CUL9: variants seen among roughly 807,000 people sequenced by gnomAD.
CUL9 encodes cullin-9.
Under a neutral mutation model 272.6 loss-of-function variants are expected in CUL9, and 79 were observed. That is an observed-to-expected ratio of 0.29 (90% confidence interval 0.24 to 0.35). CUL9 has a LOEUF of 0.35. Among genes scored for constraint, CUL9 ranks in the 10% least tolerant of loss-of-function variants. The probability of loss-of-function intolerance (pLI) is 1.00; values close to 1 mark genes in which losing one functional copy is unlikely to be tolerated. For missense variants in CUL9, 2,532 were observed against 3,255.6 expected (o/e 0.78, Z 5.41); for synonymous variants, 1,186 against 1,286.5 (o/e 0.92, Z 1.67).
Position 43,213,605 on chromosome 6 carries a change from G to A in CUL9, c.5488+38G>A, listed in dbSNP as rs1404732410. On this transcript the variant is annotated intron_variant, in intron 28 of 40. Coordinates refer to ENST00000252050, the MANE Select transcript of CUL9 (RefSeq NM_015089.4). The surrounding 1 kb of genome is among the most constrained non-coding windows in gnomAD (Gnocchi z 5.7). ...GGGCCGGGCTGAGCCTCTGCTGCTGGTCGGGGGGTCGCCCTCAAGATGGGG... is the reference window on the plus strand; with the variant it reads ...GGGCCGGGCTGAGCCTCTGCTGCTGATCGGGGGGTCGCCCTCAAGATGGGG... 14 of 1,606,710 alleles carry A rather than the reference G, an allele frequency of 8.7e-6. No homozygotes were observed. The highest frequency in any genetic ancestry group is 1.0e-5 in the Non-Finnish European group (12 of 1,176,182).
At position 43,220,355 on chromosome 6, in the gene CUL9, A is replaced by G; in HGVS notation, c.6283-104A>G. On this transcript the variant is annotated intron_variant, in intron 31 of 40. Transcript: ENST00000252050. This position sits in a 1 kb window ranked among gnomAD's most constrained non-coding sequence, Gnocchi z 4.9. ...GCTTGTTTCTGGCCTTCCACGTTGT[A>G]GTGGAGGGGAAGGGAAGGAGGGACG... is the stretch of plus-strand genomic sequence containing the variant. 1 of 1,299,090 alleles carries G rather than the reference A, an allele frequency of 7.7e-7. No individual in the cohort carries two copies. The highest frequency in any genetic ancestry group is 1.1e-6 in the Non-Finnish European group (1 of 920,464). The allele number at this position is 1,299,090 out of a possible 1,614,324, so 80.5% of individuals were successfully genotyped here.
rs770746015 is a variant in CUL9, at chr6:43,213,843, C to G, written c.5619C>G (p.Ser1873Arg). Residue 1873 changes from serine to arginine, a missense_variant, in exon 29 of 41, where the codon AGC (serine) becomes AGG (arginine). Physicochemically the swap from Ser to Arg is moderately radical, Grantham distance 110. Transcript: ENST00000252050. The surrounding 1 kb of genome is among the most constrained non-coding windows in gnomAD (Gnocchi z 5.7). ...RTLEQKRNLL[S>R]CLLVRILKAH... is the part of the protein sequence containing the mutation. ...TGGAACAGAAGAGGAATCTCTTGAG[C>G]TGTCTTCTTGTTCGTATTCTCAAAG... 1.9e-6 allele frequency: 3 copies of G among 1,614,182 alleles called. No individual in the cohort carries two copies. Among genetic ancestry groups the G allele is most frequent in the Non-Finnish European group, 2.5e-6 (3 of 1,180,032 alleles).
At chr6:43,214,358 A>G (rs1775762956) in intron 29 of CUL9, among the ~76,000 whole-genome samples, 1 of 152,116 alleles carries the variant, frequency 6.6e-6, no homozygotes. Flanking sequence ...GGCGGAGGTT[A>G]CAGTGAGCCA....
chr6:43,189,655 T>C (rs949529236), intron 8 of CUL9, among the ~76,000 whole-genome samples: 1 of 151,966 alleles, frequency 6.6e-6, no homozygotes, highest in African/African-American at 2.4e-5. Flanking sequence ...GCAGTTCTTA[T>C]GTCTCAGCCT....
chr6:43,203,706 A>G lies in CUL9; in HGVS notation c.4025+114A>G. ...AAGCTGCAGCCAGGACATGAGGGGGAAGGTGAACGTAGGTGAGAAGTTTGT... is the reference window on the plus strand; with the variant it reads ...AAGCTGCAGCCAGGACATGAGGGGGGAGGTGAACGTAGGTGAGAAGTTTGT... On this transcript the variant is annotated intron_variant, in intron 19 of 40. Coordinates refer to ENST00000252050, the MANE Select transcript of CUL9 (RefSeq NM_015089.4). The surrounding 1 kb of genome is among the most constrained non-coding windows in gnomAD (Gnocchi z 5.0). 1 of 1,504,300 alleles carries G rather than the reference A, an allele frequency of 6.6e-7. No individual in the cohort carries two copies. Among genetic ancestry groups the G allele is most frequent in the Non-Finnish European group, 9.0e-7 (1 of 1,113,006 alleles). 93.2% of individuals were successfully genotyped at this position (1,504,300 alleles called of 1,614,324 possible). A position where few individuals can be genotyped will look rare whatever the true frequency, so the allele number is the denominator to read the frequency against.
chr6:43,203,478 C>T lies in CUL9; in HGVS notation c.3911C>T (p.Pro1304Leu). 6.2e-7 allele frequency: 1 copy of T among 1,614,192 alleles called. No individual in the cohort carries two copies. Among genetic ancestry groups the T allele is most frequent in the Non-Finnish European group, 8.5e-7 (1 of 1,180,038 alleles). The change falls in exon 19 of 41, where the codon CCA becomes CTA. Residue 1304 changes from proline (P) to leucine (L), a missense_variant. Physicochemically the swap from Pro to Leu is moderately conservative, Grantham distance 98. This residue lies in a region of CUL9 where 2,218 missense variants were observed against 2,788.6 expected (regional missense o/e 0.80). Coordinates refer to ENST00000252050, the MANE Select transcript of CUL9 (RefSeq NM_015089.4). This position sits in a 1 kb window ranked among gnomAD's most constrained non-coding sequence, Gnocchi z 5.0. ...CTGGGCCCTAAGCCCACATTCTGGCCACTGTTCCGGGAGCAGCTGTGTCGC... is the reference window on the plus strand; with the variant it reads ...CTGGGCCCTAAGCCCACATTCTGGCTACTGTTCCGGGAGCAGCTGTGTCGC... ...EVLGPKPTFWPLFREQLCRRT... is the reference protein window; with the variant it reads ...EVLGPKPTFWLLFREQLCRRT...
chr6:43,222,232 T>C, intron 35 of CUL9, 84 bp from the exon 36 acceptor site: 1 of 1,071,742 alleles, frequency 9.3e-7, no homozygotes, highest in South Asian at 1.3e-5. Flanking sequence ...TAGAAAGGCC[T>C]CCGTGAATGT....
At chr6:43,222,443 TGGGGTGGAGG>T (rs1776447200) in intron 36 of CUL9, 53 bp downstream of exon 36, 2 of 526,478 alleles carry the variant, frequency 3.8e-6, no homozygotes, top group African/African-American at 3.6e-5. Context: ...GTTGGGGTGG[TGGGGTGGAGG>T]GGGGTGGGCT....
In CUL9 at chr6:43,200,462, C is replaced by T. The variant is rs1774423627; in HGVS notation, c.3411C>T (p.His1137=). The T allele has an allele frequency of 6.2e-7, 1 of 1,614,188 alleles. No individual in the cohort carries two copies. Among genetic ancestry groups the T allele is most frequent in the Non-Finnish European group, 8.5e-7 (1 of 1,180,030 alleles). The part of the protein sequence containing the change: ...IQMVLGQIED[H]RRTHQPINIP... ...TGGTGCTGGGCCAGATCGAAGACCACAGACGAACCCACCAACCCATCAATA... is the reference window on the plus strand; with the variant it reads ...TGGTGCTGGGCCAGATCGAAGACCATAGACGAACCCACCAACCCATCAATA... The change falls in exon 15 of 41, where the codon CAC becomes CAT. Residue 1137 remains histidine, a synonymous_variant. Coordinates refer to ENST00000252050, the MANE Select transcript of CUL9 (RefSeq NM_015089.4). The surrounding 1 kb of genome is among the most constrained non-coding windows in gnomAD (Gnocchi z 4.0).
In CUL9 at chr6:43,200,851, A is replaced by G. The variant is rs756940596; in HGVS notation, c.3647+17A>G. 5.0e-6 allele frequency: 8 copies of G among 1,613,572 alleles called. No homozygotes were observed. The African/African-American group carries it at 6.7e-5, about 13-fold the overall frequency. The stretch of plus-strand genomic sequence containing the variant: ...TCTTGTTAGGTGTGAACACACATAT[A>G]TGAATGTTCTGCTGTGCCCCAGGAT... On this transcript the variant is annotated intron_variant, in intron 16 of 40. Coordinates refer to ENST00000252050, the MANE Select transcript of CUL9 (RefSeq NM_015089.4). The surrounding 1 kb of genome is among the most constrained non-coding windows in gnomAD (Gnocchi z 4.0).
At position 43,206,279 on chromosome 6, in the gene CUL9, G is replaced by C. The variant is rs763645588; in HGVS notation, c.5023-42G>C. On this transcript the variant is annotated intron_variant, in intron 25 of 40. Coordinates refer to ENST00000252050, the MANE Select transcript of CUL9 (RefSeq NM_015089.4). This position sits in a 1 kb window ranked among gnomAD's most constrained non-coding sequence, Gnocchi z 4.8. ...GGAGAGTGAGAGAAGACTAGACCAA[G>C]GAAGGGAGCCCAAGGGCCCTTGAAA... 5.0e-6 allele frequency: 8 copies of C among 1,612,306 alleles called. No homozygotes were observed. Among genetic ancestry groups the C allele is most frequent in the East Asian group, 4.5e-5 (2 of 44,872 alleles).
chr6:43,204,974 T>C lies in CUL9; in HGVS notation c.4491T>C (p.Phe1497=). The C allele has an allele frequency of 1.2e-6, 2 of 1,611,896 alleles. No homozygotes were observed. The highest frequency in any genetic ancestry group is 2.7e-5 in the African/African-American group (2 of 75,000). ...CTGCAGCTTGGAGGGCCCCAGACTT[T>C]GTGCCTCGTTACTGTAAACTCTATG... ...FLAAAWRAPD[F]VPRYCKLYEH... is the part of the protein sequence containing the mutation. Residue 1497 remains phenylalanine (F), a synonymous_variant, in exon 23 of 41, where the codon TTT becomes TTC. Coordinates refer to ENST00000252050, the MANE Select transcript of CUL9 (RefSeq NM_015089.4).
chr6:43,213,359 A>C lies in CUL9; in HGVS notation c.5358+65A>C. 1 of 1,609,894 alleles carries C rather than the reference A, an allele frequency of 6.2e-7. No individual in the cohort carries two copies. The highest frequency in any genetic ancestry group is 8.5e-7 in the Non-Finnish European group (1 of 1,177,136). Reference sequence around the variant, plus strand: ...CTTATCTGTCGCTGTTCTCCTCCTAAACCCTGTTCCTCCTTCATCCTTACT... The same window carrying C: ...CTTATCTGTCGCTGTTCTCCTCCTACACCCTGTTCCTCCTTCATCCTTACT... On this transcript the variant is annotated intron_variant, in intron 27 of 40. Coordinates refer to ENST00000252050, the MANE Select transcript of CUL9 (RefSeq NM_015089.4). The surrounding 1 kb of genome is among the most constrained non-coding windows in gnomAD (Gnocchi z 5.7).
Position 43,220,532 on chromosome 6 carries a change from A to G in CUL9, c.6356A>G (p.Asp2119Gly). The G allele has an allele frequency of 1.2e-6, 2 of 1,614,050 alleles. No individual in the cohort carries two copies. Among genetic ancestry groups the G allele is most frequent in the Non-Finnish European group, 1.7e-6 (2 of 1,179,994 alleles). ...TTGAATTGCACCTGCCCCATTGCCG[A>G]CTGCCCCGCCCAGCCCACCGGAGCC... ...LVLNCTCPIADCPAQPTGAFI... is the reference protein window; with the variant it reads ...LVLNCTCPIAGCPAQPTGAFI... The change falls in exon 32 of 41, where the codon GAC (aspartate) becomes GGC (glycine). Residue 2119 changes from aspartate (D) to glycine (G), a missense_variant. Asp to Gly is a moderately conservative substitution (Grantham distance 94, BLOSUM62 -1). This residue lies in a region of CUL9 where 2,218 missense variants were observed against 2,788.6 expected (regional missense o/e 0.80). Transcript: ENST00000252050. The surrounding 1 kb of genome is among the most constrained non-coding windows in gnomAD (Gnocchi z 4.9).
At chr6:43,189,842 AT>A (rs1341537411) in intron 8 of CUL9, among the ~76,000 whole-genome samples, 8 of 152,310 alleles carry the variant, frequency 5.3e-5, no homozygotes, top group African/African-American at 1.9e-4. Context: ...CCGCATTCTC[AT>A]TTTAAAAGAT....
chr6:43,221,477 T>A lies in CUL9; in HGVS notation c.6752+156T>A. On this transcript the variant is annotated intron_variant, in intron 34 of 40. Transcript: ENST00000252050. This position sits in a 1 kb window ranked among gnomAD's most constrained non-coding sequence, Gnocchi z 4.2. ...AGCCTCCACGGTGACTTCCTGGATCTTAATGTTCCTTCTCCCACTCGTAAG... is the reference window on the plus strand; with the variant it reads ...AGCCTCCACGGTGACTTCCTGGATCATAATGTTCCTTCTCCCACTCGTAAG... 2 of 958,140 alleles carry A rather than the reference T, an allele frequency of 2.1e-6. No homozygotes were observed. The highest frequency in any genetic ancestry group is 3.3e-5 in the South Asian group (2 of 60,880). The allele number at this position is 958,140 out of a possible 1,614,324, so 59.4% of individuals were successfully genotyped here.
In CUL9 at chr6:43,184,748, C is replaced by T. The variant is rs1420542533; in HGVS notation, c.438C>T (p.Ile146=). Residue 146 remains isoleucine (I), a synonymous_variant, in exon 2 of 41, where the codon ATC becomes ATT. Transcript: ENST00000252050. The surrounding 1 kb of genome is among the most constrained non-coding windows in gnomAD (Gnocchi z 4.8). ...TCACGGCCGCTGTGCTTCACACCAT[C>T]CACGTGCTCAGTGCCTACGCCAGCA... ...PSLTAAVLHT[I]HVLSAYASIG... is the part of the protein sequence containing the mutation. The T allele has an allele frequency of 6.2e-6, 10 of 1,614,088 alleles. No individual in the cohort carries two copies. Among genetic ancestry groups the T allele is most frequent in the Non-Finnish European group, 7.6e-6 (9 of 1,180,054 alleles).
At chr6:43,219,952 G>A (rs1776212265) in intron 31 of CUL9, among the ~76,000 whole-genome samples, 1 of 152,104 alleles carries the variant, frequency 6.6e-6, no homozygotes, top group African/African-American at 2.4e-5. Context: ...TTTGGGGGAC[G>A]CAATGGGCAA....
Position 43,203,519 on chromosome 6 carries a change from T to C in CUL9, c.3952T>C (p.Tyr1318His), listed in dbSNP as rs1269879765. ...GCTGTGTCGCCGAACATGTCTCTTCTACACAATTCGGGCACAAGCCTGGAG... is the reference window on the plus strand; with the variant it reads ...GCTGTGTCGCCGAACATGTCTCTTCCACACAATTCGGGCACAAGCCTGGAG... Reference protein sequence around the residue: ...EQLCRRTCLFYTIRAQAWSRD... With the variant: ...EQLCRRTCLFHTIRAQAWSRD... Residue 1318 changes from tyrosine (Y) to histidine (H), a missense_variant, in exon 19 of 41, where the codon TAC (tyrosine) becomes CAC (histidine). Coordinates refer to ENST00000252050, the MANE Select transcript of CUL9 (RefSeq NM_015089.4). The surrounding 1 kb of genome is among the most constrained non-coding windows in gnomAD (Gnocchi z 5.0). 2 of 1,614,106 alleles carry C rather than the reference T, an allele frequency of 1.2e-6. No homozygotes were observed.
Sources: allele counts gnomAD v4.1 joint callset (sites outside exome capture counted in the v4.1 genomes callset), GRCh38; gene constraint gnomAD v4.1.1; regional missense constraint gnomAD v4.1.1; non-coding constraint Gnocchi (gnomAD v3.1); transcripts MANE v1.5; gene names NCBI Gene and HGNC (gene_info 2026-07-23, HGNC 2026-07-21).